Variants in SUSD4 observed in about 807,000 individuals in gnomAD.
SUSD4 encodes sushi domain containing 4.
In SUSD4, 41 loss-of-function variants were observed where a neutral mutation model predicts 50.5. The observed-to-expected ratio is 0.81, with a 90% confidence interval of 0.63 to 1.05. SUSD4 has a LOEUF of 1.05. Ranked by LOEUF, SUSD4 falls within the 50% of genes least tolerant of loss-of-function variation. The pLI, the probability that SUSD4 is intolerant of heterozygous loss-of-function variation, is 0.00. For synonymous variants in SUSD4, 257 were observed against 257.3 expected, an observed-to-expected ratio of 1.00 and a Z score of 0.01; for missense variants, 580 against 634.7, an observed-to-expected ratio of 0.91 and a Z score of 0.93.
At chr1:223,261,722 C>T (rs1194652377) in intron 5 of SUSD4, among the ~76,000 whole-genome samples, 1 of 152,168 alleles carries the variant, frequency 6.6e-6, no homozygotes, top group Non-Finnish European at 1.5e-5. Context: ...GTGTACATGT[C>T]TAAAAGTCTG....
In SUSD4 at chr1:223,308,457, A is replaced by T. The variant is rs374070784; in HGVS notation, c.149-15806T>A. ...CAGAGGCTAGCATCATGCTTCCTAC[A>T]CAGCCTGCAGACCCGTAAGCTAATA... On this transcript the variant is annotated intron_variant, in intron 2 of 8. Transcript: ENST00000366878. 1.3e-4 allele frequency among the ~76,000 whole-genome samples: 20 copies of T among 152,258 alleles called. No homozygotes were observed. In the East Asian group the frequency reaches 3.9e-3, roughly 29 times the overall value.
chr1:223,268,044 C>CATATAT lies in SUSD4; in HGVS notation c.535+457_535+458insATATAT, dbSNP rs1359285104. Among the ~76,000 whole-genome samples the CATATAT allele has an allele frequency of 3.8e-4, 18 of 47,984 alleles. 2 individuals carry two copies. Among genetic ancestry groups the CATATAT allele is most frequent in the East Asian group, 3.2e-3 (4 of 1,240 alleles). 31.5% of individuals were successfully genotyped at this position (47,984 alleles called of 152,430 possible). ...ATATATATATATATATATATATATA[C>CATATAT]ACACACACTGTTAAGAGAAAACAGC... is the stretch of plus-strand genomic sequence containing the variant. On this transcript the variant is annotated intron_variant, in intron 4 of 8. Coordinates refer to ENST00000366878, the MANE Select transcript of SUSD4 (RefSeq NM_017982.4).
chr1:223,292,682 A>G (rs746727131), intron 2 of SUSD4, 31 bp from the exon 3 acceptor site: 28 of 1,609,102 alleles, frequency 1.7e-5, no homozygotes, highest in African/African-American at 4.0e-5. Flanking sequence ...AAAGGTGCCT[A>G]TGAATATGTT....
At chr1:223,260,865 C>T (rs1002909448) in intron 5 of SUSD4, among the ~76,000 whole-genome samples, 21 of 152,184 alleles carry the variant, frequency 1.4e-4, no homozygotes, top group African/African-American at 5.1e-4. Flanking sequence ...ATTATCAACT[C>T]CTTCATGAAG....
chr1:223,264,476 C>A (rs973561071), intron 5 of SUSD4, 154 bp downstream of exon 5: 2 of 1,372,780 alleles, frequency 1.5e-6, no homozygotes, highest in African/African-American at 1.5e-5. Flanking sequence ...TATGGCTTCA[C>A]GGCAGCTGAT....
chr1:223,340,430 T>C (rs1282132160), intron 2 of SUSD4, among the ~76,000 whole-genome samples: 1 of 152,152 alleles, frequency 6.6e-6, no homozygotes, highest in Admixed American at 6.5e-5. Flanking sequence ...CAGCACTCCA[T>C]GCTGCAGCTG....
chr1:223,229,390 T>G lies in SUSD4; in HGVS notation c.725-2A>C. The G allele has an allele frequency of 6.3e-7, 1 of 1,585,310 alleles. No homozygotes were observed. The highest frequency in any genetic ancestry group is 8.6e-7 in the Non-Finnish European group (1 of 1,157,374). ...TCACCATTGGAGGTAGTGGACAGAC[T>G]TGGGCAGTAGGGGAGAATAAAAGTT... On this transcript the variant is annotated splice_acceptor_variant, in intron 5 of 8. Coordinates refer to ENST00000366878, the MANE Select transcript of SUSD4 (RefSeq NM_017982.4). LOFTEE classifies it high-confidence loss of function. This position sits in a 1 kb window ranked among gnomAD's most constrained non-coding sequence, Gnocchi z 4.7.
chr1:223,221,343 T>C lies in SUSD4; in HGVS notation c.*849A>G, dbSNP rs1331106919. The C allele has an allele frequency of 1.3e-5, 5 of 373,290 alleles. No individual in the cohort carries two copies. The highest frequency in any genetic ancestry group is 4.6e-5 in the Admixed American group (1 of 21,856). 23.1% of individuals were successfully genotyped at this position (373,290 alleles called of 1,614,324 possible). On this transcript the variant is annotated 3_prime_UTR_variant, in exon 9 of 9. Transcript: ENST00000366878. The stretch of plus-strand genomic sequence containing the variant: ...AGATAAATGTTAAGTGGAGTCTTTT[T>C]AAAATGCTGAAACAAAACATTACCT...
At chr1:223,236,497 C>T (rs1044830569) in intron 5 of SUSD4, among the ~76,000 whole-genome samples, 11 of 150,958 alleles carry the variant, frequency 7.3e-5, no homozygotes, top group African/African-American at 1.5e-4. Flanking sequence ...TTTAGGTATA[C>T]GATCTATTTT....
rs373079164 is a variant in SUSD4, at chr1:223,262,905, G to A, written c.724+1725C>T. ...ATAGTGGAGGATGGCAGAGGAAAGGGGACATGTTAGGCCAGAAGACTCATT... is the reference window on the plus strand; with the variant it reads ...ATAGTGGAGGATGGCAGAGGAAAGGAGACATGTTAGGCCAGAAGACTCATT... On this transcript the variant is annotated intron_variant, in intron 5 of 8. Coordinates refer to ENST00000366878, the MANE Select transcript of SUSD4 (RefSeq NM_017982.4). 2.0e-5 allele frequency among the ~76,000 whole-genome samples: 3 copies of A among 152,286 alleles called. No homozygotes were observed. The East Asian group carries it at 5.8e-4, about 29-fold the overall frequency.
chr1:223,256,483 T>C (rs909132941), intron 5 of SUSD4, among the ~76,000 whole-genome samples: 1 of 152,192 alleles, frequency 6.6e-6, no homozygotes, highest in African/African-American at 2.4e-5. Context: ...CACACATCTC[T>C]TCCTTTCCTG....
chr1:223,227,514 C>A lies in SUSD4; in HGVS notation c.1061+80G>T. The stretch of plus-strand genomic sequence containing the variant: ...CCCTTTAGAGCTTCAACTTTTCACT[C>A]ATCACTTTCTCCCTCTGCTGCTAAG... On this transcript the variant is annotated intron_variant, in intron 7 of 8. Coordinates refer to ENST00000366878, the MANE Select transcript of SUSD4 (RefSeq NM_017982.4). The surrounding 1 kb of genome is among the most constrained non-coding windows in gnomAD (Gnocchi z 4.5). 1 of 1,538,764 alleles carries A rather than the reference C, an allele frequency of 6.5e-7. No individual in the cohort carries two copies. Among genetic ancestry groups the A allele is most frequent in the Non-Finnish European group, 8.8e-7 (1 of 1,132,298 alleles).
At chr1:223,295,131 C>T (rs887506676) in intron 2 of SUSD4, among the ~76,000 whole-genome samples, 1 of 152,170 alleles carries the variant, frequency 6.6e-6, no homozygotes, top group Admixed American at 6.5e-5. Context: ...AGGTCTAAGA[C>T]ATTTTGTGCC....
chr1:223,282,143 G>T (rs1663788499), intron 3 of SUSD4, among the ~76,000 whole-genome samples: 1 of 152,162 alleles, frequency 6.6e-6, no homozygotes, highest in South Asian at 2.1e-4. Context: ...TACTGAATGG[G>T]CAAAAAGTGG....
At chr1:223,322,158 T>C (rs1415488999) in intron 2 of SUSD4, among the ~76,000 whole-genome samples, 1 of 152,154 alleles carries the variant, frequency 6.6e-6, no homozygotes, top group Non-Finnish European at 1.5e-5. Context: ...TTGTGAGATA[T>C]TTATAACAAC....
intron 5 of SUSD4, chr1:223,264,354 T>C (rs1488568086): frequency 8.7e-7 from 1 of 1,150,186 alleles, no homozygotes; most frequent in African/African-American, 1.6e-5. Flanking sequence ...ACATTTCATT[T>C]AACTTTGCAA....
upstream of SUSD4, among the ~76,000 whole-genome samples, chr1:223,364,522 C>T (rs1176273842): frequency 6.7e-6 from 1 of 149,736 alleles, no homozygotes; most frequent in African/African-American, 2.4e-5. The surrounding 1 kb of genome is among the most constrained non-coding windows in gnomAD (Gnocchi z 4.5). Context: ...CGCGCCTGCA[C>T]CTGTCGGGGC....
chr1:223,305,842 A>G (rs1384983905), intron 2 of SUSD4, among the ~76,000 whole-genome samples: 4 of 152,238 alleles, frequency 2.6e-5, no homozygotes, highest in Non-Finnish European at 5.9e-5. Flanking sequence ...AAGGCTTAGT[A>G]TGCAGATTCT....
rs183309879 is a variant in SUSD4 at position 223,332,976 on chromosome 1, C to G, written c.148+30302G>C. Among the ~76,000 whole-genome samples, 1 of 152,290 alleles carries G rather than the reference C, an allele frequency of 6.6e-6. No homozygotes were observed. The highest frequency in any genetic ancestry group is 2.1e-4 in the South Asian group (1 of 4,814). On this transcript the variant is annotated intron_variant, in intron 2 of 8. Transcript: ENST00000366878. This position sits in a 1 kb window ranked among gnomAD's most constrained non-coding sequence, Gnocchi z 4.0. ...CTGCCGCAACTGCACACCACACCCT[C>G]CTCTCCCACACAGTTGTCCTGGGGA...
Sources: gnomAD v4.1 joint callset for allele counts (sites outside exome capture counted in the v4.1 genomes callset) on GRCh38, gnomAD v4.1.1 for gene constraint, Gnocchi (gnomAD v3.1) non-coding constraint, MANE v1.5 for transcripts, NCBI Gene and HGNC (gene_info 2026-07-23, HGNC 2026-07-21) for gene names.